The following LANCL2 variants were observed in gnomAD, a reference collection of about 807,000 sequenced individuals.
The protein encoded by LANCL2 is LanC like glutathione S-transferase 2.
A neutral mutation model predicts 56.9 loss-of-function variants in LANCL2; 33 were observed. The ratio of observed to expected loss-of-function variants is 0.58; its 90% CI spans 0.44 to 0.78. The LOEUF (loss-of-function observed/expected upper bound fraction) is 0.78. Ranked by LOEUF, LANCL2 falls within the 30% of genes least tolerant of loss-of-function variation. LANCL2 has a pLI of 0.00. For synonymous variants in LANCL2, 233 were observed against 228.2 expected (o/e 1.02, Z -0.19); for missense variants, 562 against 580.2 (o/e 0.97, Z 0.32).
chr7:55,401,725 A>G (rs1210217137), intron 5 of LANCL2, among the ~76,000 whole-genome samples: 1 of 131,270 alleles, frequency 7.6e-6, no homozygotes, highest in East Asian at 2.1e-4. Flanking sequence ...ACTTGAGATT[A>G]GGGAGTGGTG....
At chr7:55,425,001 C>T (rs1041708194) in intron 6 of LANCL2, among the ~76,000 whole-genome samples, 7 of 152,188 alleles carry the variant, frequency 4.6e-5, no homozygotes, top group African/African-American at 1.7e-4. Context: ...CCTTCCTGGC[C>T]ATTGAAAAAT....
At chr7:55,390,462 C>T (rs1272093158) in intron 1 of LANCL2, among the ~76,000 whole-genome samples, 17 of 152,166 alleles carry the variant, frequency 1.1e-4, no homozygotes, top group African/African-American at 2.6e-4. Flanking sequence ...AAAAATTAGT[C>T]GGGTGTGGTG....
chr7:55,402,693 G>A lies in LANCL2; in HGVS notation c.825+1373G>A, dbSNP rs576807074. 1.2e-3 allele frequency among the ~76,000 whole-genome samples: 146 copies of A among 123,036 alleles called. 22 individuals are homozygous for A. Among genetic ancestry groups the A allele is most frequent in the South Asian group, 9.1e-3 (36 of 3,974 alleles). 80.7% of individuals were successfully genotyped at this position (123,036 alleles called of 152,430 possible). On this transcript the variant is annotated intron_variant, in intron 5 of 8. Transcript: ENST00000254770. ...TTCCGGACGGGGCGGCTGGCCGGGC[G>A]GGGGGCTGACCCCCACCTCCCTCCC...
rs1790737837 is a variant in LANCL2, at chr7:55,432,201, AC to A, written c.*882del. On this transcript the variant is annotated 3_prime_UTR_variant, in exon 9 of 9. Transcript: ENST00000254770. Reference sequence around the variant, plus strand: ...AGTTACTGTTCTAAGAAAAGTAAATACAGTTCCAGATGGGTTATTGCAGATT... The same window carrying A: ...AGTTACTGTTCTAAGAAAAGTAAATAAGTTCCAGATGGGTTATTGCAGATT... The A allele has an allele frequency of 6.6e-6, 1 of 152,254 alleles. No homozygotes were observed. The highest frequency in any genetic ancestry group is 2.1e-4 in the South Asian group (1 of 4,836). The allele number at this position is 152,254 out of a possible 1,614,324, so 9.4% of individuals were successfully genotyped here. A position where few individuals can be genotyped will look rare whatever the true frequency, so the allele number is the denominator to read the frequency against.
chr7:55,375,801 G>A (rs1244382215), intron 1 of LANCL2, among the ~76,000 whole-genome samples: 1 of 152,150 alleles, frequency 6.6e-6, no homozygotes, highest in African/African-American at 2.4e-5. Flanking sequence ...TGAAGCTGTT[G>A]GCCAAATCCA....
chr7:55,398,351 T>C (rs1171372849), intron 2 of LANCL2, 72 bp from the exon 3 acceptor site: 1 of 1,109,034 alleles, frequency 9.0e-7, no homozygotes, highest in East Asian at 2.4e-5. Context: ...TTTCATGTAA[T>C]TATAAATAAT....
intron 1 of LANCL2, among the ~76,000 whole-genome samples, chr7:55,373,931 A>C (rs569637987): frequency 3.3e-5 from 5 of 152,346 alleles, no homozygotes; most frequent in Non-Finnish European, 7.3e-5. Context: ...CTTGAATAGA[A>C]TTGCATATAA....
At position 55,394,601 on chromosome 7, in the gene LANCL2, TC is replaced by T. The variant is rs1268284691; in HGVS notation, c.322+2694del. Among the ~76,000 whole-genome samples the T allele has an allele frequency of 3.3e-5, 5 of 152,208 alleles. No homozygotes were observed. The East Asian group carries it at 9.7e-4, about 29-fold the overall frequency. ...GAATGAATGAAGCACCCACAACTTA[TC>T]CCTTTAGCAAAACTTTGAGACAGAA... On this transcript the variant is annotated intron_variant, in intron 2 of 8. Transcript: ENST00000254770.
intron 2 of LANCL2, among the ~76,000 whole-genome samples, chr7:55,396,180 A>T (rs1255968019): frequency 6.6e-6 from 1 of 151,606 alleles, no homozygotes; most frequent in Non-Finnish European, 1.5e-5. Flanking sequence ...GAGACTAAAA[A>T]CTCAATGGGG....
At chr7:55,402,221 C>A (rs1451777763) in intron 5 of LANCL2, among the ~76,000 whole-genome samples, 1 of 145,856 alleles carries the variant, frequency 6.9e-6, no homozygotes. Flanking sequence ...CCTCACCTCC[C>A]GGACGGGGCG....
chr7:55,371,448 T>A (rs1193004473), intron 1 of LANCL2, among the ~76,000 whole-genome samples: 3 of 152,240 alleles, frequency 2.0e-5, no homozygotes, highest in Non-Finnish European at 2.9e-5. Flanking sequence ...GGTCTCAAAC[T>A]TCTGGGCTCA....
intron 6 of LANCL2, among the ~76,000 whole-genome samples, chr7:55,421,296 G>T (rs1298415819): frequency 6.9e-6 from 1 of 144,612 alleles, no homozygotes; most frequent in African/African-American, 2.5e-5. Context: ...GAGGTAGAGA[G>T]ATTAGTTGGA....
At chr7:55,402,762 C>T (rs1471369077) in intron 5 of LANCL2, among the ~76,000 whole-genome samples, 7 of 119,428 alleles carry the variant, frequency 5.9e-5, no homozygotes, top group East Asian at 2.3e-4. Flanking sequence ...ACTTCTCAGA[C>T]GGGGCGGTTG....
At chr7:55,420,280 T>A (rs995240645) in intron 6 of LANCL2, among the ~76,000 whole-genome samples, 1 of 152,252 alleles carries the variant, frequency 6.6e-6, no homozygotes, top group Non-Finnish European at 1.5e-5. Flanking sequence ...TAGTTTTAGA[T>A]ATTCCCTAAT....
intron 1 of LANCL2, among the ~76,000 whole-genome samples, chr7:55,367,574 C>CA (rs764816452): frequency 1.3e-5 from 2 of 152,150 alleles, no homozygotes; most frequent in Non-Finnish European, 2.9e-5. Context: ...AAGAAAAATA[C>CA]AAAAATTAGC....
chr7:55,381,133 A>G (rs1053376983), intron 1 of LANCL2, among the ~76,000 whole-genome samples: 1 of 152,006 alleles, frequency 6.6e-6, no homozygotes, highest in Non-Finnish European at 1.5e-5. Flanking sequence ...GGTTTCCCAA[A>G]GTGCTGGGAT....
chr7:55,382,734 C>CT (rs1177528374), intron 1 of LANCL2, among the ~76,000 whole-genome samples: 4 of 152,094 alleles, frequency 2.6e-5, no homozygotes, highest in Non-Finnish European at 5.9e-5. Flanking sequence ...AAGGCAGGGT[C>CT]TGAAAATATA....
intron 2 of LANCL2, among the ~76,000 whole-genome samples, chr7:55,394,598 T>G (rs1349581703): frequency 6.6e-6 from 1 of 152,162 alleles, no homozygotes; most frequent in Non-Finnish European, 1.5e-5. Context: ...CACCCACAAC[T>G]TATCCCTTTA....
intron 1 of LANCL2, among the ~76,000 whole-genome samples, chr7:55,367,573 A>G (rs1371367739): frequency 6.6e-6 from 1 of 152,244 alleles, no homozygotes; most frequent in African/African-American, 2.4e-5. Context: ...AAAGAAAAAT[A>G]CAAAAATTAG....
Sources: allele counts gnomAD v4.1 joint callset (sites outside exome capture counted in the v4.1 genomes callset), GRCh38; gene constraint gnomAD v4.1.1; transcripts MANE v1.5; gene names NCBI Gene and HGNC (gene_info 2026-07-23, HGNC 2026-07-21).